ADIPOR1: variants seen among roughly 807,000 people sequenced by gnomAD.
ADIPOR1 encodes adiponectin receptor protein 1.
ADIPOR1 carries 15 observed loss-of-function variants against 37.5 expected under a neutral mutation model. That is an observed-to-expected ratio of 0.40 (90% CI 0.27 to 0.62). ADIPOR1 has a LOEUF of 0.62. Among genes scored for constraint, ADIPOR1 ranks in the 20% least tolerant of loss-of-function variants. The pLI is 0.42. For synonymous variants in ADIPOR1, 173 were observed against 173.2 expected, an observed-to-expected ratio of 1.00 and a Z score of 0.01; for missense variants, 286 against 478.0, an observed-to-expected ratio of 0.60 and a Z score of 3.75.
intron 2 of ADIPOR1, among the ~76,000 whole-genome samples, chr1:202,949,130 A>C (rs1654454113): frequency 6.6e-6 from 1 of 152,020 alleles, no homozygotes; most frequent in Middle Eastern, 3.2e-3. Context: ...AGTCTCAGAG[A>C]GTTCCATAAC....
intron 7 of ADIPOR1, 65 bp from the exon 8 acceptor site, chr1:202,941,766 A>G (rs1654098205): frequency 6.4e-7 from 1 of 1,552,312 alleles, no homozygotes; most frequent in Non-Finnish European, 8.7e-7. Flanking sequence ...CAAGTAGGAG[A>G]AAGCATTTGC....
In ADIPOR1 at chr1:202,942,554, G is replaced by A. The variant is rs1337584000; in HGVS notation, c.806-336C>T. Among the ~76,000 whole-genome samples, 3 of 152,196 alleles carry A rather than the reference G, an allele frequency of 2.0e-5. No individual in the cohort carries two copies. In the East Asian group the frequency reaches 5.8e-4, roughly 29 times the overall value. ...ACAGAACTTAGATGTCAAGGCTTCA[G>A]TTGCCTCCCAAGTCAGAGAAGCATA... On this transcript the variant is annotated intron_variant, in intron 6 of 7. Transcript: ENST00000340990.
chr1:202,951,706 G>A (rs1654584666), intron 1 of ADIPOR1, among the ~76,000 whole-genome samples: 1 of 152,186 alleles, frequency 6.6e-6, no homozygotes, highest in Non-Finnish European at 1.5e-5. Flanking sequence ...CTTGGTTGTG[G>A]GACAGATGCC....
At chr1:202,949,577 T>A (rs1571566075) in intron 2 of ADIPOR1, among the ~76,000 whole-genome samples, 1 of 23,730 alleles carries the variant, frequency 4.2e-5, no homozygotes, top group Non-Finnish European at 9.4e-5. Flanking sequence ...AGACTCTGTC[T>A]CCAAAAAAAA....
intron 1 of ADIPOR1, among the ~76,000 whole-genome samples, chr1:202,951,721 G>A (rs1371113177): frequency 6.6e-6 from 1 of 152,148 alleles, no homozygotes; most frequent in African/African-American, 2.4e-5. Context: ...GATGCCTAGT[G>A]GTTAATTTCT....
In ADIPOR1 at chr1:202,947,498, A is replaced by C. The variant is rs965521989; in HGVS notation, c.258+806T>G. Among the ~76,000 whole-genome samples the C allele has an allele frequency of 1.1e-4, 17 of 151,136 alleles. 1 individual carries two copies. Among genetic ancestry groups the C allele is most frequent in the Admixed American group, 1.1e-3 (16 of 15,128 alleles). On this transcript the variant is annotated intron_variant, in intron 3 of 7. Coordinates refer to ENST00000340990, the MANE Select transcript of ADIPOR1 (RefSeq NM_015999.6). ...GATCGTGCCACTGCAGCTGGGAGAC[A>C]AGAGCAAAACTCTGTCTCAAAAAAA...
Position 202,946,520 on chromosome 1 carries a change from G to A in ADIPOR1, c.349C>T (p.Pro117Ser). Reference protein sequence around the residue: ...NDYLLHGHRPPMPSFRACFKS... With the variant: ...NDYLLHGHRPSMPSFRACFKS... ...AAGCAAGCCCGAAAGGAGGGCATGG[G>A]AGGTCTATGACCATGTAGCAGATAG... Residue 117 changes from proline to serine, a missense_variant, in exon 4 of 8, where the codon CCC (proline) becomes TCC (serine). Physicochemically the swap from Pro to Ser is moderately conservative, Grantham distance 74. Coordinates refer to ENST00000340990, the MANE Select transcript of ADIPOR1 (RefSeq NM_015999.6). 1 of 1,614,088 alleles carries A rather than the reference G, an allele frequency of 6.2e-7. No homozygotes were observed. Among genetic ancestry groups the A allele is most frequent in the Non-Finnish European group, 8.5e-7 (1 of 1,180,032 alleles).
chr1:202,953,784 A>C (rs2102494034), intron 1 of ADIPOR1, among the ~76,000 whole-genome samples: 1 of 152,352 alleles, frequency 6.6e-6, no homozygotes, highest in Non-Finnish European at 1.5e-5. Flanking sequence ...GCACAAAAAT[A>C]AGTGATACAA....
chr1:202,942,680 T>C (rs1473981552), intron 6 of ADIPOR1, among the ~76,000 whole-genome samples: 1 of 152,170 alleles, frequency 6.6e-6, no homozygotes, highest in African/African-American at 2.4e-5. Flanking sequence ...CTGTAGCTGC[T>C]GGGACACACA....
intron 1 of ADIPOR1, among the ~76,000 whole-genome samples, chr1:202,951,507 ATCACTCCCAAAGC>A (rs1654580276): frequency 1.3e-5 from 2 of 152,186 alleles, no homozygotes; most frequent in Admixed American, 1.3e-4. Context: ...AATCTCATCT[ATCACTCCCAAAGC>A]TCACTCTGCC....
intron 7 of ADIPOR1, 70 bp from the exon 8 acceptor site, chr1:202,941,771 A>G: frequency 3.2e-6 from 5 of 1,545,390 alleles, no homozygotes; most frequent in East Asian, 4.5e-5. Context: ...AGGAGAAAGC[A>G]TTTGCTTCTT....
chr1:202,945,619 A>G (rs1031650695), intron 4 of ADIPOR1, among the ~76,000 whole-genome samples: 2 of 152,248 alleles, frequency 1.3e-5, no homozygotes, highest in Non-Finnish European at 2.9e-5. Flanking sequence ...CTAAGTGTCC[A>G]TTGACCAATG....
In ADIPOR1 at chr1:202,941,566, G is replaced by A. The variant is rs1654085897; in HGVS notation, c.*7C>T. ...AAGTTCCTCCTCCACCCCGCAGGTG[G>A]GAAGGCTCAGAGAAGGGTGTCATCA... On this transcript the variant is annotated 3_prime_UTR_variant, in exon 8 of 8. Transcript: ENST00000340990. 1 of 1,601,530 alleles carries A rather than the reference G, an allele frequency of 6.2e-7. No individual in the cohort carries two copies. Among genetic ancestry groups the A allele is most frequent in the Admixed American group, 1.8e-5 (1 of 56,180 alleles).
chr1:202,948,421 C>A lies in ADIPOR1; in HGVS notation c.142-1G>T. 6.2e-7 allele frequency: 1 copy of A among 1,613,312 alleles called. No homozygotes were observed. Among genetic ancestry groups the A allele is most frequent in the Non-Finnish European group, 8.5e-7 (1 of 1,179,448 alleles). On this transcript the variant is annotated splice_acceptor_variant, in intron 2 of 7. Transcript: ENST00000340990. LOFTEE classifies it high-confidence loss of function. ...CTGGGCATGTTTGCTCTTCTTCAGC[C>A]TATGGGGGAAAAAACCCACAACAAT...
intron 1 of ADIPOR1, among the ~76,000 whole-genome samples, chr1:202,953,323 G>A (rs1654654255): frequency 1.3e-5 from 2 of 151,490 alleles, no homozygotes; most frequent in South Asian, 4.2e-4. Context: ...TCTGAAAAGA[G>A]GGGCACACTT....
At chr1:202,945,838 T>C (rs1456574627) in intron 4 of ADIPOR1, among the ~76,000 whole-genome samples, 1 of 152,130 alleles carries the variant, frequency 6.6e-6, no homozygotes, top group South Asian at 2.1e-4. Flanking sequence ...TATAGAATGA[T>C]ATAATGGACT....
chr1:202,943,176 A>C (rs963228899), intron 6 of ADIPOR1, among the ~76,000 whole-genome samples: 3 of 152,208 alleles, frequency 2.0e-5, no homozygotes, highest in Non-Finnish European at 2.9e-5. Flanking sequence ...ACAATATTTA[A>C]TTATTTTAAC....
chr1:202,956,818 T>C (rs1451370654), intron 1 of ADIPOR1, among the ~76,000 whole-genome samples: 3 of 152,204 alleles, frequency 2.0e-5, no homozygotes, highest in Non-Finnish European at 4.4e-5. Context: ...CTTAAGGTGG[T>C]GTACTTTATA....
intron 1 of ADIPOR1, among the ~76,000 whole-genome samples, chr1:202,955,717 C>T: frequency 6.6e-6 from 1 of 152,204 alleles, no homozygotes; most frequent in East Asian, 1.9e-4. Context: ...AATTCTCCTG[C>T]ATCAGCCTCC....
Sources: allele counts gnomAD v4.1 joint callset (sites outside exome capture counted in the v4.1 genomes callset), GRCh38; gene constraint gnomAD v4.1.1; transcripts MANE v1.5; gene names NCBI Gene and HGNC (gene_info 2026-07-23, HGNC 2026-07-21).